The following CLDN10 variants were observed in gnomAD, a reference collection of about 807,000 sequenced individuals.
CLDN10 encodes claudin-10.
CLDN10 carries 15 observed loss-of-function variants against 22.9 expected under a neutral mutation model. That is an observed-to-expected ratio of 0.65 (90% CI 0.44 to 1.01). The LOEUF is 1.01. Among genes scored for constraint, CLDN10 ranks in the 50% least tolerant of loss-of-function variants. CLDN10 has a pLI of 0.00. For missense variants in CLDN10, 247 were observed against 287.8 expected (o/e 0.86, Z 1.03); for synonymous variants, 114 against 111.4 (o/e 1.02, Z -0.15).
chr13:95,500,095 AATACTTAC>A (rs2042969088), intron 1 of CLDN10, among the ~76,000 whole-genome samples: 1 of 152,220 alleles, frequency 6.6e-6, no homozygotes, highest in African/African-American at 2.4e-5. Context: ...GTAGTCTGCA[AATACTTAC>A]TGACTGCCTG....
intron 1 of CLDN10, among the ~76,000 whole-genome samples, chr13:95,543,245 A>G (rs1227594232): frequency 1.3e-5 from 2 of 151,926 alleles, no homozygotes; most frequent in Non-Finnish European, 2.9e-5. Context: ...AAATAAATAA[A>G]TAAAATCCAC....
chr13:95,442,674 A>G (rs907946609), intron 1 of CLDN10, among the ~76,000 whole-genome samples: 1 of 152,184 alleles, frequency 6.6e-6, no homozygotes, highest in African/African-American at 2.4e-5. Context: ...AAAAAGAGCA[A>G]ATGTTTACTT....
chr13:95,563,924 A>G (rs1351159547), intron 3 of CLDN10, among the ~76,000 whole-genome samples: 1 of 152,252 alleles, frequency 6.6e-6, no homozygotes, highest in Non-Finnish European at 1.5e-5. Flanking sequence ...CTGATTTCCT[A>G]GCTCTCAAAT....
intron 1 of CLDN10, among the ~76,000 whole-genome samples, chr13:95,474,081 C>T (rs910211737): frequency 7.9e-5 from 12 of 152,032 alleles, no homozygotes; most frequent in Non-Finnish European, 1.6e-4. Flanking sequence ...GATTACATTG[C>T]AATATATAAT....
chr13:95,573,174 T>C (rs967440657), intron 3 of CLDN10, among the ~76,000 whole-genome samples: 1 of 152,238 alleles, frequency 6.6e-6, no homozygotes, highest in Non-Finnish European at 1.5e-5. Flanking sequence ...TAATTTCTGT[T>C]AGAAGTAAAT....
At chr13:95,492,018 C>A (rs946935612) in intron 1 of CLDN10, among the ~76,000 whole-genome samples, 1 of 152,120 alleles carries the variant, frequency 6.6e-6, no homozygotes, top group Non-Finnish European at 1.5e-5. Flanking sequence ...TGATGTGAAC[C>A]GTCTGTGGGT....
chr13:95,476,659 G>A (rs1480025926), intron 1 of CLDN10, among the ~76,000 whole-genome samples: 3 of 152,152 alleles, frequency 2.0e-5, no homozygotes, highest in Non-Finnish European at 2.9e-5. Context: ...TGAAGGGCAA[G>A]GCTGGAACCC....
intron 1 of CLDN10, among the ~76,000 whole-genome samples, chr13:95,518,326 A>G (rs1335367688): frequency 1.3e-5 from 2 of 152,214 alleles, no homozygotes; most frequent in African/African-American, 2.4e-5. Flanking sequence ...GTCCACTTCA[A>G]GAAACCTAGA....
upstream of CLDN10, among the ~76,000 whole-genome samples, chr13:95,550,925 G>A (rs530417680): frequency 3.4e-5 from 5 of 146,816 alleles, no homozygotes; most frequent in Non-Finnish European, 7.4e-5. Flanking sequence ...CGCCCGCCTC[G>A]GCCTCCCAAA....
At chr13:95,479,573 A>G (rs1431936437) in intron 1 of CLDN10, 1 of 152,192 alleles carries the variant, frequency 6.6e-6, no homozygotes, top group Non-Finnish European at 1.5e-5. Flanking sequence ...CAGACTTAAC[A>G]TTATAGTCAT....
chr13:95,520,465 C>T (rs1010851641), intron 1 of CLDN10, among the ~76,000 whole-genome samples: 1 of 152,132 alleles, frequency 6.6e-6, no homozygotes, highest in Non-Finnish European at 1.5e-5. Context: ...CCTCTGCCTC[C>T]TGGGTTCAAG....
intron 3 of CLDN10, among the ~76,000 whole-genome samples, chr13:95,565,627 T>G (rs1428254506): frequency 6.6e-6 from 1 of 152,196 alleles, no homozygotes; most frequent in African/African-American, 2.4e-5. Flanking sequence ...CTACCTACTT[T>G]CTTTTTTTAT....
chr13:95,577,896 T>G lies in CLDN10; in HGVS notation c.573-4T>G, dbSNP rs2043959025. The G allele has an allele frequency of 1.4e-5, 22 of 1,596,156 alleles. No individual in the cohort carries two copies. Among genetic ancestry groups the G allele is most frequent in the Non-Finnish European group, 1.8e-5 (21 of 1,165,142 alleles). On this transcript the variant is annotated splice_region_variant and splice_polypyrimidine_tract_variant and intron_variant, in intron 4 of 4. Transcript: ENST00000299339. ...AATCTACCAAACTATGTTTTACCTT[T>G]CAGATACACATACAACGGGGCCACA... is the stretch of plus-strand genomic sequence containing the variant.
intron 1 of CLDN10, among the ~76,000 whole-genome samples, chr13:95,499,520 C>T (rs1480689478): frequency 1.3e-5 from 2 of 152,070 alleles, no homozygotes; most frequent in Admixed American, 6.6e-5. Context: ...CCAGCCTGGG[C>T]GACAAGAGTG....
chr13:95,566,372 G>A (rs1182886403), intron 3 of CLDN10, among the ~76,000 whole-genome samples: 1 of 151,960 alleles, frequency 6.6e-6, no homozygotes, highest in East Asian at 1.9e-4. Flanking sequence ...TCTCTGATGA[G>A]CAGTGATGAT....
At chr13:95,452,809 C>T (rs976819719) in intron 1 of CLDN10, among the ~76,000 whole-genome samples, 1 of 152,086 alleles carries the variant, frequency 6.6e-6, no homozygotes, top group African/African-American at 2.4e-5. Context: ...CTTTATTTTC[C>T]TTTGACTCAA....
intron 1 of CLDN10, among the ~76,000 whole-genome samples, chr13:95,455,891 G>A (rs1015743798): frequency 6.6e-6 from 1 of 152,146 alleles, no homozygotes; most frequent in African/African-American, 2.4e-5. Flanking sequence ...TTTCATACAG[G>A]TCACACTCCC....
upstream of CLDN10, chr13:95,552,626 G>A (rs1441757981): frequency 2.4e-6 from 3 of 1,228,626 alleles, no homozygotes; most frequent in East Asian, 3.0e-5. Context: ...CGCCGGGTCC[G>A]CTGGGCGGGG....
intron 1 of CLDN10, among the ~76,000 whole-genome samples, chr13:95,504,526 T>A (rs1310292120): frequency 6.6e-6 from 1 of 151,964 alleles, no homozygotes; most frequent in Non-Finnish European, 1.5e-5. Context: ...ATTACAAGCA[T>A]GTGCCACCAC....
Sources: gnomAD v4.1 joint callset for allele counts (sites outside exome capture counted in the v4.1 genomes callset) on GRCh38, gnomAD v4.1.1 for gene constraint, MANE v1.5 for transcripts, NCBI Gene and HGNC (gene_info 2026-07-23, HGNC 2026-07-21) for gene names.